The following OLFM1 variants were observed in gnomAD, a reference collection of about 807,000 sequenced individuals.
The protein encoded by OLFM1 is olfactomedin 1.
OLFM1 carries 9 observed loss-of-function variants against 49.7 expected under a neutral mutation model. That is an observed-to-expected ratio of 0.18 (90% CI 0.11 to 0.32). The LOEUF (loss-of-function observed/expected upper bound fraction) is 0.32, where lower values mean the gene tolerates loss of function less well. Among genes scored for constraint, OLFM1 ranks in the 10% least tolerant of loss-of-function variants. OLFM1 has a pLI of 1.00. For missense variants in OLFM1, 369 were observed against 661.8 expected (o/e 0.56, Z 4.85); for synonymous variants, 240 against 271.8 (o/e 0.88, Z 1.15).
At chr9:135,081,062 C>T (rs761602017) in intron 1 of OLFM1, among the ~76,000 whole-genome samples, 14 of 152,228 alleles carry the variant, frequency 9.2e-5, no homozygotes, top group East Asian at 1.9e-4. Context: ...CCGCCAGTGG[C>T]GAGGACTGAT....
chr9:135,087,870 A>T lies in OLFM1; in HGVS notation c.-120A>T. The T allele has an allele frequency of 1.5e-6, 1 of 652,644 alleles. No individual in the cohort carries two copies. Among genetic ancestry groups the T allele is most frequent in the Non-Finnish European group, 1.9e-6 (1 of 532,588 alleles). 40.4% of individuals were successfully genotyped at this position (652,644 alleles called of 1,614,324 possible). A position where few individuals can be genotyped will look rare whatever the true frequency, so the allele number is the denominator to read the frequency against. On this transcript the variant is annotated 5_prime_UTR_variant, in exon 1 of 6. Transcript: ENST00000371793. ...GCGGCGGGCGGGCGGCGGCGGGCCG[A>T]GGGGGCGCGGGGACACAGCCAGGCG... is the stretch of plus-strand genomic sequence containing the variant.
At chr9:135,096,502 C>A (rs536671314) in intron 3 of OLFM1, among the ~76,000 whole-genome samples, 1 of 152,338 alleles carries the variant, frequency 6.6e-6, no homozygotes, top group African/African-American at 2.4e-5. Context: ...CCACCACTGG[C>A]CCTGGCTTGG....
At chr9:135,075,616 G>T (rs918016644) in exon 1 of OLFM1, 36 of 866,014 alleles carry the variant, frequency 4.2e-5, no homozygotes, top group Middle Eastern at 3.3e-4. Context: ...CACGAGCCAG[G>T]CGCCGCCGCC....
chr9:135,105,766 G>C (rs943186553), intron 4 of OLFM1: 6 of 152,380 alleles, frequency 3.9e-5, no homozygotes, highest in African/African-American at 1.4e-4. Flanking sequence ...AGGGTGCGGG[G>C]ACTTGTGGTG....
chr9:135,081,027 G>A (rs1017158517), intron 1 of OLFM1, among the ~76,000 whole-genome samples: 6 of 152,006 alleles, frequency 3.9e-5, no homozygotes, highest in Non-Finnish European at 7.4e-5. Flanking sequence ...ACTGGAGCCC[G>A]CCCGGAGTTA....
chr9:135,075,996 C>T, intron 1 of OLFM1: 1 of 1,436,880 alleles, frequency 7.0e-7, no homozygotes, highest in African/African-American at 1.5e-5. Flanking sequence ...GCAGGCTGAC[C>T]GGAGACGGCG....
At chr9:135,092,990 C>G (rs959992102) in intron 2 of OLFM1, among the ~76,000 whole-genome samples, 2 of 152,204 alleles carry the variant, frequency 1.3e-5, no homozygotes, top group African/African-American at 4.8e-5. Context: ...AGAAGCAGGA[C>G]AGGGTGCTCC....
intron 2 of OLFM1, among the ~76,000 whole-genome samples, chr9:135,095,394 G>A (rs1419910913): frequency 6.6e-6 from 1 of 151,896 alleles, no homozygotes; most frequent in East Asian, 1.9e-4. Context: ...GGAAGAAGGA[G>A]AATTTATACC....
chr9:135,097,342 A>T (rs971539313), intron 3 of OLFM1, among the ~76,000 whole-genome samples: 1 of 152,206 alleles, frequency 6.6e-6, no homozygotes, highest in Non-Finnish European at 1.5e-5. Context: ...CTGGCTGGTC[A>T]TCATGAATTA....
rs1429749380 is a variant in OLFM1, at chr9:135,117,968, T to C, written c.784-1536T>C. 2.0e-5 allele frequency among the ~76,000 whole-genome samples: 3 copies of C among 152,220 alleles called. No homozygotes were observed. In the East Asian group the frequency reaches 5.8e-4, roughly 29 times the overall value. On this transcript the variant is annotated intron_variant, in intron 5 of 5. Transcript: ENST00000371793. This position sits in a 1 kb window ranked among gnomAD's most constrained non-coding sequence, Gnocchi z 5.5. ...CTGATAGCACAATAGCTGTGTCTCC[T>C]TTTGAGGAGTGTGCTGGGTTTGGAG...
chr9:135,113,083 A>C lies in OLFM1; in HGVS notation c.783+6228A>C, dbSNP rs936105734. Among the ~76,000 whole-genome samples, 2 of 152,144 alleles carry C rather than the reference A, an allele frequency of 1.3e-5. No homozygotes were observed. Among genetic ancestry groups the C allele is most frequent in the Non-Finnish European group, 2.9e-5 (2 of 68,026 alleles). The stretch of plus-strand genomic sequence containing the variant: ...GACCAGCGTGCACGCTTCCTAATGC[A>C]CAGAGCATGTGGCAGCTGGCACAGC... On this transcript the variant is annotated intron_variant, in intron 5 of 5. Coordinates refer to ENST00000371793, the MANE Select transcript of OLFM1 (RefSeq NM_001282611.2). The surrounding 1 kb of genome is among the most constrained non-coding windows in gnomAD (Gnocchi z 4.0).
intron 5 of OLFM1, among the ~76,000 whole-genome samples, chr9:135,118,441 G>A (rs574941421): frequency 8.3e-5 from 12 of 145,002 alleles, no homozygotes; most frequent in African/African-American, 3.2e-4. Flanking sequence ...TGTCTTTGGA[G>A]TGCTCACCAG....
chr9:135,112,558 C>T (rs902338072), intron 5 of OLFM1, among the ~76,000 whole-genome samples: 1 of 152,122 alleles, frequency 6.6e-6, no homozygotes, highest in Non-Finnish European at 1.5e-5. Context: ...TCTGTGTAGC[C>T]AAGACCTGGG....
intron 4 of OLFM1, among the ~76,000 whole-genome samples, chr9:135,100,103 G>T (rs1257661464): frequency 6.6e-6 from 1 of 152,166 alleles, no homozygotes; most frequent in African/African-American, 2.4e-5. Flanking sequence ...TTTTGTTGTT[G>T]TTATGTATTT....
Position 135,110,682 on chromosome 9 carries a change from C to T in OLFM1, c.783+3827C>T, listed in dbSNP as rs534364916. ...GTGTGAGGAGGGACCTTCCCAGGACCGAGAACCGTTGTCTGTTCCCCTTCA... is the reference window on the plus strand; with the variant it reads ...GTGTGAGGAGGGACCTTCCCAGGACTGAGAACCGTTGTCTGTTCCCCTTCA... On this transcript the variant is annotated intron_variant, in intron 5 of 5. Coordinates refer to ENST00000371793, the MANE Select transcript of OLFM1 (RefSeq NM_001282611.2). Among the ~76,000 whole-genome samples, 10 of 152,276 alleles carry T rather than the reference C, an allele frequency of 6.6e-5. No homozygotes were observed. In the East Asian group the frequency reaches 7.7e-4, roughly 12 times the overall value.
At chr9:135,087,365 G>A, upstream of OLFM1, 6 of 1,546,214 alleles carry the variant, frequency 3.9e-6, no homozygotes, top group Non-Finnish European at 5.2e-6. Context: ...GGGATGCCCC[G>A]GCGTGAGGAT....
chr9:135,078,454 C>T (rs1056067685), intron 1 of OLFM1, among the ~76,000 whole-genome samples: 3 of 152,212 alleles, frequency 2.0e-5, no homozygotes, highest in African/African-American at 7.2e-5. Flanking sequence ...CATCTGTTCT[C>T]CCGACAGCTT....
chr9:135,109,770 G>A (rs1432766645), intron 5 of OLFM1, among the ~76,000 whole-genome samples: 1 of 152,132 alleles, frequency 6.6e-6, no homozygotes, highest in Non-Finnish European at 1.5e-5. Context: ...TGCCACGGAG[G>A]GCATTGTAAG....
Position 135,080,114 on chromosome 9 carries a change from T to A in OLFM1, c.96+4312T>A, listed in dbSNP as rs530637595. On this transcript the variant is annotated intron_variant, in intron 1 of 5. Coordinates refer to the OLFM1 transcript ENST00000252854. The surrounding 1 kb of genome is among the most constrained non-coding windows in gnomAD (Gnocchi z 4.5). ...TCTGAATCTGTTCCTCATCCCCCCA[T>A]TTAGCTCATTCTAGAGCTGAAGACC... Among the ~76,000 whole-genome samples the A allele has an allele frequency of 1.3e-5, 2 of 152,004 alleles. No individual in the cohort carries two copies. Among genetic ancestry groups the A allele is most frequent in the African/African-American group, 4.8e-5 (2 of 41,460 alleles).
Sources: allele counts gnomAD v4.1 joint callset (sites outside exome capture counted in the v4.1 genomes callset), GRCh38; gene constraint gnomAD v4.1.1; non-coding constraint Gnocchi (gnomAD v3.1); transcripts MANE v1.5; gene names NCBI Gene and HGNC (gene_info 2026-07-23, HGNC 2026-07-21).